The following DLGAP4 variants were observed in gnomAD, a reference collection of about 807,000 sequenced individuals.
The protein encoded by DLGAP4 is disks large-associated protein 4.
Under a neutral mutation model 86.9 loss-of-function variants are expected in DLGAP4, and 18 were observed. The ratio of observed to expected loss-of-function variants is 0.21; its 90% CI spans 0.14 to 0.31. The LOEUF is 0.31. DLGAP4 is among the 10% of genes least tolerant of loss of function. The pLI is 1.00. For synonymous variants in DLGAP4, 548 were observed against 574.3 expected (o/e 0.95, Z 0.65); for missense variants, 1,085 against 1,362.6 (o/e 0.80, Z 3.21).
Position 36,367,597 on chromosome 20 carries a change from G to A in DLGAP4, c.-73+322G>A, listed in dbSNP as rs1040591004. ...GCTCTTGCCACACCCAAGCAGGCGGGGACAGGTTGTGCACATAGGCTCAGG... is the reference window on the plus strand; with the variant it reads ...GCTCTTGCCACACCCAAGCAGGCGGAGACAGGTTGTGCACATAGGCTCAGG... On this transcript the variant is annotated intron_variant, in intron 2 of 12. Transcript: ENST00000339266. Among the ~76,000 whole-genome samples the A allele has an allele frequency of 2.0e-5, 3 of 152,312 alleles. No homozygotes were observed. The South Asian group carries it at 6.2e-4, about 32-fold the overall frequency.
In DLGAP4 at chr20:36,350,143, G is replaced by A. The variant is rs776580787; in HGVS notation, c.-303-16902G>A. Among the ~76,000 whole-genome samples, 7 of 152,218 alleles carry A rather than the reference G, an allele frequency of 4.6e-5. No homozygotes were observed. The highest frequency in any genetic ancestry group is 8.8e-5 in the Non-Finnish European group (6 of 68,038). ...AGAGGAGGTGCCATGGGGACAGGAC[G>A]GGGATCTGCACAGGGACCCAGAAGG... On this transcript the variant is annotated intron_variant, in intron 1 of 12. Coordinates refer to ENST00000339266, the MANE Select transcript of DLGAP4 (RefSeq NM_001365621.2). The surrounding 1 kb of genome is among the most constrained non-coding windows in gnomAD (Gnocchi z 4.4).
chr20:36,325,114 GTACTGC>G (rs1555890925), intron 1 of DLGAP4, among the ~76,000 whole-genome samples: 2 of 151,814 alleles, frequency 1.3e-5, no homozygotes, highest in African/African-American at 4.8e-5. Flanking sequence ...TTTCCTCTAA[GTACTGC>G]TTTAGCAGCA....
chr20:36,455,881 A>C (rs910829838), intron 7 of DLGAP4, among the ~76,000 whole-genome samples: 1 of 151,848 alleles, frequency 6.6e-6, no homozygotes, highest in Admixed American at 6.6e-5. Context: ...CCCTGGGCCC[A>C]CCTGTCCCCT....
chr20:36,382,534 T>C (rs957034963), intron 2 of DLGAP4, among the ~76,000 whole-genome samples: 15 of 137,364 alleles, frequency 1.1e-4, no homozygotes, highest in African/African-American at 8.4e-5. Flanking sequence ...TTTCTTTTTT[T>C]TTTTTTTTTT....
chr20:36,442,973 C>T (rs879380638), intron 6 of DLGAP4, among the ~76,000 whole-genome samples, 196 bp downstream of exon 6: 1 of 152,220 alleles, frequency 6.6e-6, no homozygotes, highest in Admixed American at 6.5e-5. Context: ...TATTGCTTCA[C>T]CTCTATGTGC....
In DLGAP4 at chr20:36,466,926, C is replaced by CTCTCTCTCTCTCTCTCTCTG. The variant is rs1221152054; in HGVS notation, c.1648+20018_1648+20037dup. ...GGTCAAAGCGAGTCTCTCGCTCTTG[C>CTCTCTCTCTCTCTCTCTCTG]TCTCTCTCTCTCTCTCTCTGTCTCT... is the stretch of plus-strand genomic sequence containing the variant. On this transcript the variant is annotated intron_variant, in intron 7 of 12. Transcript: ENST00000339266. 3.8e-3 allele frequency among the ~76,000 whole-genome samples: 540 copies of CTCTCTCTCTCTCTCTCTCTG among 140,966 alleles called. 11 individuals carry two copies. Among genetic ancestry groups the CTCTCTCTCTCTCTCTCTCTG allele is most frequent in the South Asian group, 0.01 (46 of 4,578 alleles). The allele number at this position is 140,966 out of a possible 152,430, so 92.5% of individuals were successfully genotyped here.
At chr20:36,476,673 C>T (rs371741555) in intron 7 of DLGAP4, among the ~76,000 whole-genome samples, 19 of 129,056 alleles carry the variant, frequency 1.5e-4, no homozygotes, top group African/African-American at 5.4e-4. Context: ...CTAGGTATCT[C>T]ATTCACTAGC....
At chr20:36,509,538 T>TCC (rs2036571559) in intron 10 of DLGAP4, among the ~76,000 whole-genome samples, 1 of 152,068 alleles carries the variant, frequency 6.6e-6, no homozygotes, top group Non-Finnish European at 1.5e-5. Flanking sequence ...ACCACTGTAC[T>TCC]CCAGCCTGGG....
At chr20:36,461,749 C>G in intron 7 of DLGAP4, 1 of 525,310 alleles carries the variant, frequency 1.9e-6, no homozygotes, top group Non-Finnish European at 2.2e-6. Flanking sequence ...GTCCGTCCGT[C>G]CGCCCGCCCG....
intron 11 of DLGAP4, among the ~76,000 whole-genome samples, chr20:36,525,011 G>A (rs978587371): frequency 1.3e-5 from 2 of 151,762 alleles, no homozygotes; most frequent in African/African-American, 4.8e-5. Flanking sequence ...GAGGTCAGGA[G>A]ATGGAGACCC....
At chr20:36,525,466 G>A (rs758372478) in intron 11 of DLGAP4, 5 of 290,584 alleles carry the variant, frequency 1.7e-5, no homozygotes, top group African/African-American at 4.3e-5. Flanking sequence ...AGAGTGACAC[G>A]AGGGAAACAA....
intron 8 of DLGAP4, chr20:36,497,625 C>G: frequency 1.0e-6 from 1 of 987,178 alleles, no homozygotes; most frequent in Non-Finnish European, 1.2e-6. Flanking sequence ...AGGTACCAGG[C>G]CCATGTCATT....
At chr20:36,518,400 T>C (rs2037169857) in intron 10 of DLGAP4, among the ~76,000 whole-genome samples, 1 of 152,226 alleles carries the variant, frequency 6.6e-6, no homozygotes, top group Non-Finnish European at 1.5e-5. Context: ...TTAATCCTCT[T>C]ATTTTTATTA....
In DLGAP4 at chr20:36,390,016, G is replaced by A. The variant is rs140121141; in HGVS notation, c.-73+22741G>A. 5.1e-3 allele frequency among the ~76,000 whole-genome samples: 776 copies of A among 152,320 alleles called. 7 individuals carry two copies. Among genetic ancestry groups the A allele is most frequent in the African/African-American group, 0.018 (741 of 41,552 alleles). On this transcript the variant is annotated intron_variant, in intron 2 of 12. Transcript: ENST00000339266. ...AGGCTGGGCTCCTGGCCTTCTAATG[G>A]GGGAAACAGCCAGGACCACACCTAT...
At chr20:36,437,939 G>A (rs1397775867) in intron 4 of DLGAP4, among the ~76,000 whole-genome samples, 5 of 152,156 alleles carry the variant, frequency 3.3e-5, no homozygotes, top group South Asian at 2.1e-4. Flanking sequence ...ACAGGGTCTC[G>A]CTATGTCGCC....
chr20:36,402,158 G>A (rs2147485207), intron 2 of DLGAP4, among the ~76,000 whole-genome samples: 1 of 152,300 alleles, frequency 6.6e-6, no homozygotes, highest in East Asian at 1.9e-4. Flanking sequence ...ATGCAAACCT[G>A]GCCCCAGGTT....
At chr20:36,314,848 C>T in intron 1 of DLGAP4, among the ~76,000 whole-genome samples, 1 of 106,820 alleles carries the variant, frequency 9.4e-6, no homozygotes, top group African/African-American at 3.7e-5. Context: ...GGTGTGTGTG[C>T]TATGATGTGT....
intron 1 of DLGAP4, among the ~76,000 whole-genome samples, chr20:36,318,374 C>T (rs1009059510): frequency 6.6e-6 from 1 of 152,088 alleles, no homozygotes; most frequent in Admixed American, 6.5e-5. Context: ...TGAGGTCACC[C>T]ATCCGGCAGC....
At chr20:36,377,676 C>T (rs1488849959) in intron 2 of DLGAP4, among the ~76,000 whole-genome samples, 3 of 152,164 alleles carry the variant, frequency 2.0e-5, no homozygotes, top group Non-Finnish European at 4.4e-5. Flanking sequence ...CCTTCAACCT[C>T]CCTGGGAGGT....
Sources: gnomAD v4.1 joint callset for allele counts (sites outside exome capture counted in the v4.1 genomes callset) on GRCh38, gnomAD v4.1.1 for gene constraint, Gnocchi (gnomAD v3.1) non-coding constraint, MANE v1.5 for transcripts, NCBI Gene and HGNC (gene_info 2026-07-23, HGNC 2026-07-21) for gene names.